Variants in GPC4 observed in about 807,000 individuals in gnomAD.
GPC4 encodes the protein glypican-4.
A neutral mutation model predicts 35.0 loss-of-function variants in GPC4; 10 were observed. That is an observed-to-expected ratio of 0.29 (90% CI 0.18 to 0.48). GPC4 has a LOEUF of 0.48. Among genes scored for constraint, GPC4 ranks in the 20% least tolerant of loss-of-function variants. The probability of loss-of-function intolerance (pLI) is 0.99; values close to 1 mark genes in which losing one functional copy is unlikely to be tolerated. For synonymous variants in GPC4, 167 were observed against 170.2 expected, an observed-to-expected ratio of 0.98 and a Z score of 0.15; for missense variants, 322 against 451.3, an observed-to-expected ratio of 0.71 and a Z score of 2.60.
chrX:133,392,031 G>A (rs1159502061), intron 1 of GPC4, among the ~76,000 whole-genome samples: 2 of 109,988 alleles, frequency 1.8e-5, no homozygotes, highest in African/African-American at 3.3e-5. Context: ...TCAGGAGTTC[G>A]AGACCAGCCT....
At chrX:133,377,647 T>C (rs1372914617) in intron 1 of GPC4, among the ~76,000 whole-genome samples, 1 of 111,345 alleles carries the variant, frequency 9.0e-6, no homozygotes, top group African/African-American at 3.3e-5. Context: ...ATTATCTATA[T>C]TAGCTCCTTT....
rs751634682 is a variant in GPC4 at position 133,339,321 on chromosome X, G to A, written c.181C>T (p.Pro61Ser). The change falls in exon 2 of 9, where the codon CCC (proline) becomes TCC (serine). Residue 61 changes from proline to serine, a missense_variant. Around this residue, in one of 3 missense-constraint regions of GPC4, gnomAD observed 60 missense variants for 64.1 expected, o/e 0.94. Transcript: ENST00000370828. ...EINGDHLKIC[P>S]QGSTCCSQEM... ...TGAGAGCAGCAGGTAGAACCCTGGGGACAGATCTTCAAATGATCACCTGCA... is the reference window on the plus strand; with the variant it reads ...TGAGAGCAGCAGGTAGAACCCTGGGAACAGATCTTCAAATGATCACCTGCA... 2.5e-6 allele frequency: 3 copies of A among 1,207,557 alleles called. No homozygotes were observed. Among genetic ancestry groups the A allele is most frequent in the Non-Finnish European group, 2.2e-6 (2 of 894,042 alleles).
At chrX:133,388,174 CT>C (rs2068701175) in intron 1 of GPC4, among the ~76,000 whole-genome samples, 1 of 111,956 alleles carries the variant, frequency 8.9e-6, no homozygotes, top group Non-Finnish European at 1.9e-5. Flanking sequence ...GGGCAAAGCC[CT>C]TACTTTAAAA....
At chrX:133,414,521 G>A in intron 1 of GPC4, 1 of 754,525 alleles carries the variant, frequency 1.3e-6, no homozygotes, top group Non-Finnish European at 1.6e-6. Context: ...GGGGGGAGAG[G>A]AGGAGCGGAG....
At chrX:133,307,435 A>G (rs1397064546) in intron 4 of GPC4, among the ~76,000 whole-genome samples, 1 of 110,727 alleles carries the variant, frequency 9.0e-6, no homozygotes, top group African/African-American at 3.3e-5. Context: ...CGATGTCACA[A>G]ACCACAAATA....
At chrX:133,395,741 G>T (rs1459848664) in intron 1 of GPC4, among the ~76,000 whole-genome samples, 1 of 111,701 alleles carries the variant, frequency 9.0e-6, no homozygotes, top group African/African-American at 3.3e-5. Flanking sequence ...TCAAGAATCA[G>T]TTACCACTTC....
At chrX:133,365,222 C>T (rs947596581) in intron 1 of GPC4, among the ~76,000 whole-genome samples, 4 of 111,100 alleles carry the variant, frequency 3.6e-5, no homozygotes, top group Non-Finnish European at 7.5e-5. Context: ...GTAGACACAC[C>T]CTGTGGTTTC....
chrX:133,344,607 G>A (rs1177001186), intron 1 of GPC4, among the ~76,000 whole-genome samples: 1 of 111,455 alleles, frequency 9.0e-6, no homozygotes, highest in Non-Finnish European at 1.9e-5. Flanking sequence ...TGCCAAGAAA[G>A]TGTCTCTCCA....
chrX:133,358,975 T>C (rs755551872), intron 1 of GPC4, among the ~76,000 whole-genome samples: 2 of 110,225 alleles, frequency 1.8e-5, no homozygotes, highest in South Asian at 7.8e-4. Flanking sequence ...ACACGAAAAA[T>C]GATTACTTCC....
At chrX:133,384,801 A>G (rs1389925435) in intron 1 of GPC4, among the ~76,000 whole-genome samples, 1 of 111,441 alleles carries the variant, frequency 9.0e-6, no homozygotes, top group African/African-American at 3.3e-5. Context: ...CCCTTTTCTG[A>G]CCTACCACTG....
chrX:133,319,683 G>A (rs963278085), intron 3 of GPC4, among the ~76,000 whole-genome samples: 2 of 110,385 alleles, frequency 1.8e-5, no homozygotes, highest in Non-Finnish European at 3.8e-5. Context: ...GTTAGCAGAG[G>A]TGGGAACCCA....
At chrX:133,329,455 G>T (rs1018191972) in intron 2 of GPC4, among the ~76,000 whole-genome samples, 2 of 111,446 alleles carry the variant, frequency 1.8e-5, no homozygotes, top group South Asian at 7.6e-4. Context: ...CTAAGAAGAC[G>T]CAAGGCCTTA....
At chrX:133,328,494 ATCC>A (rs945711284) in intron 2 of GPC4, among the ~76,000 whole-genome samples, 22 of 111,616 alleles carry the variant, frequency 2.0e-4, no homozygotes, top group Non-Finnish European at 3.6e-4. Flanking sequence ...CACATCCCCA[ATCC>A]TCCTTTCTAT....
At chrX:133,406,648 C>T (rs940346802) in intron 1 of GPC4, among the ~76,000 whole-genome samples, 3 of 101,961 alleles carry the variant, frequency 2.9e-5, no homozygotes, top group Non-Finnish European at 5.9e-5. Context: ...ACTCAGGAGG[C>T]TGAAGCAGGA....
rs1317146957 is a variant in GPC4 at position 133,300,649 on chromosome X, ACAAAT to A, written c.*2213_*2217del. The A allele has an allele frequency of 8.9e-6, 1 of 111,934 alleles. No homozygotes were observed. Among genetic ancestry groups the A allele is most frequent in the Non-Finnish European group, 1.9e-5 (1 of 53,132 alleles). 9.2% of individuals were successfully genotyped at this position (111,934 alleles called of 1,213,427 possible). A position where few individuals can be genotyped will look rare whatever the true frequency, so the allele number is the denominator to read the frequency against. On this transcript the variant is annotated 3_prime_UTR_variant, in exon 9 of 9. Transcript: ENST00000370828. Reference sequence around the variant, plus strand: ...ACAGGAAAAAATGCAAAGAAAGAAAACAAATCAGTAAGAGTTCAGAAGAACCTTCA... The same window carrying A: ...ACAGGAAAAAATGCAAAGAAAGAAAACAGTAAGAGTTCAGAAGAACCTTCA...
At position 133,300,652 on chromosome X, in the gene GPC4, A is replaced by C. The variant is rs910660659; in HGVS notation, c.*2215T>G. ...GGAAAAAATGCAAAGAAAGAAAACA[A>C]ATCAGTAAGAGTTCAGAAGAACCTT... On this transcript the variant is annotated 3_prime_UTR_variant, in exon 9 of 9. Transcript: ENST00000370828. 6 of 111,993 alleles carry C rather than the reference A, an allele frequency of 5.4e-5. No homozygotes were observed. Among genetic ancestry groups the C allele is most frequent in the African/African-American group, 1.6e-4 (5 of 30,936 alleles). 9.2% of individuals were successfully genotyped at this position (111,993 alleles called of 1,213,427 possible). A position where few individuals can be genotyped will look rare whatever the true frequency, so the allele number is the denominator to read the frequency against.
intron 3 of GPC4, among the ~76,000 whole-genome samples, chrX:133,318,808 C>T (rs934220865): frequency 1.8e-5 from 2 of 112,032 alleles, no homozygotes; most frequent in Non-Finnish European, 3.8e-5. Context: ...ATGTGTAGTA[C>T]GAGGGTACTC....
At chrX:133,324,629 A>G (rs2068383592) in intron 2 of GPC4, 93 bp from the exon 3 acceptor site, 3 of 845,987 alleles carry the variant, frequency 3.5e-6, no homozygotes, top group South Asian at 2.9e-5. Context: ...TGAAAACTGG[A>G]AAAAAAACAC....
intron 1 of GPC4, among the ~76,000 whole-genome samples, chrX:133,369,917 T>TAA (rs34257154): frequency 3.7e-5 from 4 of 109,018 alleles, no homozygotes; most frequent in Non-Finnish European, 5.7e-5. Context: ...CTCAACTTGA[T>TAA]AAAAAAAAAG....
Sources: gnomAD v4.1 joint callset for allele counts (sites outside exome capture counted in the v4.1 genomes callset) on GRCh38, gnomAD v4.1.1 for gene constraint, gnomAD v4.1.1 regional missense constraint, MANE v1.5 for transcripts, NCBI Gene and HGNC (gene_info 2026-07-23, HGNC 2026-07-21) for gene names.